CDH13: variants seen among roughly 807,000 people sequenced by gnomAD.
The protein encoded by CDH13 is cadherin-13.
In CDH13, 24 loss-of-function variants were observed where a neutral mutation model predicts 63.8. That is an observed-to-expected ratio of 0.38 (90% CI 0.27 to 0.53). CDH13 has a LOEUF of 0.53. CDH13 is among the 20% of genes least tolerant of loss of function. The probability of loss-of-function intolerance (pLI) is 0.85; values close to 1 mark genes in which losing one functional copy is unlikely to be tolerated. For missense variants in CDH13, 1,049 were observed against 903.1 expected, an observed-to-expected ratio of 1.16 and a Z score of -2.07; for synonymous variants, 503 against 355.3, an observed-to-expected ratio of 1.42 and a Z score of -4.67.
intron 1 of CDH13, among the ~76,000 whole-genome samples, chr16:82,678,318 A>C (rs200761082): frequency 1.2e-5 from 1 of 83,038 alleles, no homozygotes; most frequent in Middle Eastern, 5.0e-3. Context: ...TACAGAAAAA[A>C]CTTTTTTTTT....
chr16:83,570,480 A>G (rs1219694022), intron 7 of CDH13, among the ~76,000 whole-genome samples: 1 of 151,958 alleles, frequency 6.6e-6, no homozygotes, highest in Non-Finnish European at 1.5e-5. Flanking sequence ...TGAGAATGGC[A>G]AAGCCAAGGA....
intron 6 of CDH13, among the ~76,000 whole-genome samples, chr16:83,431,133 C>G (rs1435401076): frequency 4.0e-5 from 6 of 151,844 alleles, no homozygotes; most frequent in East Asian, 3.9e-4. Flanking sequence ...CATGTCCCTA[C>G]AAAGGACGTG....
In CDH13 at chr16:83,798,876, AAAAT is replaced by A. The variant is rs1904297581; in HGVS notation, c.*3847_*3850del. 1 of 152,086 alleles carries A rather than the reference AAAAT, an allele frequency of 6.6e-6. No individual in the cohort carries two copies. The highest frequency in any genetic ancestry group is 2.4e-5 in the African/African-American group (1 of 41,388). 9.4% of individuals were successfully genotyped at this position (152,086 alleles called of 1,614,324 possible). A position where few individuals can be genotyped will look rare whatever the true frequency, so the allele number is the denominator to read the frequency against. ...ATCTGAAAGCTTTCTGTTAAAAAAA[AAAAT>A]GTTAACATCGTTCTAAATTAATATT... On this transcript the variant is annotated 3_prime_UTR_variant, in exon 14 of 14. Coordinates refer to ENST00000567109, the MANE Select transcript of CDH13 (RefSeq NM_001257.5).
rs772698526 is a variant in CDH13 at position 82,858,528 on chromosome 16, A to C, written c.157+55A>C. 6.7e-6 allele frequency: 7 copies of C among 1,052,376 alleles called. No individual in the cohort carries two copies. The East Asian group carries it at 1.4e-4, about 21-fold the overall frequency. 65.2% of individuals were successfully genotyped at this position (1,052,376 alleles called of 1,614,324 possible). On this transcript the variant is annotated intron_variant, in intron 2 of 13. Transcript: ENST00000567109. ...GACTCTTCTCATATTTGAATTTACT[A>C]ATGTTTATGACTGTGTCTCAGGATG... is the stretch of plus-strand genomic sequence containing the variant.
intron 5 of CDH13, among the ~76,000 whole-genome samples, chr16:83,291,279 C>T (rs1031451274): frequency 3.3e-5 from 5 of 152,162 alleles, no homozygotes; most frequent in South Asian, 2.1e-4. Flanking sequence ...TTAGAGGTCA[C>T]GTAGTAAATA....
chr16:82,678,861 C>A (rs1232529353), intron 1 of CDH13, among the ~76,000 whole-genome samples: 1 of 152,186 alleles, frequency 6.6e-6, no homozygotes, highest in Non-Finnish European at 1.5e-5. Context: ...ACAACTCTTT[C>A]ATCATCCCTG....
chr16:82,805,167 C>T (rs981877605), intron 1 of CDH13, among the ~76,000 whole-genome samples: 2 of 152,108 alleles, frequency 1.3e-5, no homozygotes, highest in Non-Finnish European at 2.9e-5. Context: ...GCCCCCAGGT[C>T]CATGTGTCCT....
chr16:82,901,668 G>C (rs2041474941), intron 2 of CDH13, among the ~76,000 whole-genome samples: 1 of 152,122 alleles, frequency 6.6e-6, no homozygotes, highest in African/African-American at 2.4e-5. Flanking sequence ...GGATTAAATG[G>C]ATTAATAACT....
chr16:83,633,934 A>G (rs944216002), intron 8 of CDH13, among the ~76,000 whole-genome samples: 2 of 152,162 alleles, frequency 1.3e-5, no homozygotes, highest in African/African-American at 4.8e-5. Flanking sequence ...CCATTTTTCC[A>G]TGATCACAGG....
chr16:82,912,486 C>G (rs937204775), intron 2 of CDH13, among the ~76,000 whole-genome samples: 4 of 152,204 alleles, frequency 2.6e-5, no homozygotes, highest in Admixed American at 2.6e-4. Flanking sequence ...TGGTGTAAAA[C>G]CCTCTTCTAG....
chr16:83,426,193 C>A (rs538446238), intron 6 of CDH13, among the ~76,000 whole-genome samples: 1 of 152,256 alleles, frequency 6.6e-6, no homozygotes, highest in Admixed American at 6.5e-5. Context: ...TATGTTCACT[C>A]CTCCCAGCCT....
chr16:83,542,015 C>T (rs910219956), intron 7 of CDH13, among the ~76,000 whole-genome samples: 2 of 152,194 alleles, frequency 1.3e-5, no homozygotes, highest in Non-Finnish European at 2.9e-5. Context: ...AATGTGTTAG[C>T]GTTGTCTGAC....
chr16:83,140,198 G>C (rs753581121), intron 4 of CDH13, among the ~76,000 whole-genome samples: 3 of 152,180 alleles, frequency 2.0e-5, no homozygotes, highest in Non-Finnish European at 2.9e-5. Context: ...TGGCACTGCT[G>C]ACAAGCCCAG....
chr16:83,042,784 T>C (rs1218372759), intron 3 of CDH13, among the ~76,000 whole-genome samples: 1 of 152,232 alleles, frequency 6.6e-6, no homozygotes, highest in African/African-American at 2.4e-5. Flanking sequence ...ATGGAATCTG[T>C]TGACTTGGGT....
chr16:82,891,404 C>A (rs766748753), intron 2 of CDH13, among the ~76,000 whole-genome samples: 1 of 152,144 alleles, frequency 6.6e-6, no homozygotes, highest in East Asian at 1.9e-4. Flanking sequence ...GGTTAAGACT[C>A]AAGGGCTGTT....
intron 7 of CDH13, among the ~76,000 whole-genome samples, chr16:83,587,272 TGTG>T (rs543618215): frequency 9.6e-4 from 146 of 152,276 alleles, no homozygotes; most frequent in African/African-American, 3.3e-3. Context: ...AAGGGGAGGA[TGTG>T]GTGCTGATTA....
At chr16:83,118,105 C>T (rs529324048) in intron 3 of CDH13, among the ~76,000 whole-genome samples, 1 of 152,160 alleles carries the variant, frequency 6.6e-6, no homozygotes, top group Non-Finnish European at 1.5e-5. Flanking sequence ...CTGCAGCAGG[C>T]CTCGGATGAC....
At chr16:83,325,436 G>C (rs1309456416) in intron 5 of CDH13, among the ~76,000 whole-genome samples, 2 of 152,072 alleles carry the variant, frequency 1.3e-5, no homozygotes, top group South Asian at 2.1e-4. Context: ...ATAGCATATG[G>C]GTTGGAAAAC....
intron 1 of CDH13, among the ~76,000 whole-genome samples, chr16:82,711,690 T>C (rs567708227): frequency 2.0e-5 from 3 of 152,326 alleles, no homozygotes; most frequent in Non-Finnish European, 4.4e-5. Context: ...GTATAGTCAC[T>C]TGCTACGGCT....
Sources: allele counts gnomAD v4.1 joint callset (sites outside exome capture counted in the v4.1 genomes callset), GRCh38; gene constraint gnomAD v4.1.1; transcripts MANE v1.5; gene names NCBI Gene and HGNC (gene_info 2026-07-23, HGNC 2026-07-21).